DNM3: variants seen among roughly 807,000 people sequenced by gnomAD.
DNM3 encodes the protein dynamin 3.
DNM3 carries 47 observed loss-of-function variants against 101.6 expected under a neutral mutation model. The ratio of observed to expected loss-of-function variants is 0.46; its 90% CI spans 0.37 to 0.59. The LOEUF (loss-of-function observed/expected upper bound fraction) is 0.59, where lower values mean the gene tolerates loss of function less well. Among genes scored for constraint, DNM3 ranks in the 20% least tolerant of loss-of-function variants. The pLI is 0.00. For missense variants in DNM3, 849 were observed against 1,085.7 expected, an observed-to-expected ratio of 0.78 and a Z score of 3.06; for synonymous variants, 385 against 387.9, an observed-to-expected ratio of 0.99 and a Z score of 0.09.
chr1:172,147,232 A>G (rs1338519254), intron 14 of DNM3, among the ~76,000 whole-genome samples: 1 of 152,154 alleles, frequency 6.6e-6, no homozygotes, highest in Non-Finnish European at 1.5e-5. Context: ...AGTTAGGAAT[A>G]CACATCTGTT....
intron 20 of DNM3, among the ~76,000 whole-genome samples, chr1:172,392,836 T>G (rs949326945): frequency 1.3e-5 from 2 of 152,194 alleles, no homozygotes; most frequent in Non-Finnish European, 2.9e-5. Flanking sequence ...AGTATGATGG[T>G]TTCTCTTTAA....
At chr1:172,417,945 C>T (rs2071489087) in intron 20 of DNM3, among the ~76,000 whole-genome samples, 1 of 152,130 alleles carries the variant, frequency 6.6e-6, no homozygotes, top group African/African-American at 2.4e-5. Context: ...AGGTATTTGG[C>T]TCGGGGACTA....
At chr1:172,023,686 A>T (rs978273339) in intron 4 of DNM3, among the ~76,000 whole-genome samples, 14 of 151,914 alleles carry the variant, frequency 9.2e-5, no homozygotes, top group African/African-American at 3.4e-4. Context: ...GCACTTGTTG[A>T]GTTTGTTCAA....
intron 10 of DNM3, among the ~76,000 whole-genome samples, chr1:172,056,694 C>T (rs2125892731): frequency 6.6e-6 from 1 of 151,442 alleles, no homozygotes; most frequent in South Asian, 2.1e-4. Context: ...CCCATCTGTA[C>T]ATCACCATCA....
intron 14 of DNM3, among the ~76,000 whole-genome samples, chr1:172,178,569 G>A (rs890176757): frequency 6.6e-6 from 1 of 151,774 alleles, no homozygotes; most frequent in Non-Finnish European, 1.5e-5. Flanking sequence ...GTTAAAAGAA[G>A]CAAGGTAGTA....
chr1:172,316,479 G>A (rs1214690510), intron 16 of DNM3, among the ~76,000 whole-genome samples: 1 of 152,042 alleles, frequency 6.6e-6, no homozygotes, highest in African/African-American at 2.4e-5. Context: ...TCAGTGTGCT[G>A]TATTCAGGAA....
intron 1 of DNM3, among the ~76,000 whole-genome samples, chr1:171,855,490 C>T (rs2033505614): frequency 6.6e-6 from 1 of 152,234 alleles, no homozygotes; most frequent in African/African-American, 2.4e-5. Flanking sequence ...TTTACACTCT[C>T]ACCAACAGTG....
intron 14 of DNM3, among the ~76,000 whole-genome samples, chr1:172,173,807 G>C (rs2059054233): frequency 1.3e-5 from 2 of 151,650 alleles, no homozygotes; most frequent in African/African-American, 4.8e-5. Flanking sequence ...CATTAATTTT[G>C]CTTGGCCTAT....
chr1:172,006,662 C>T (rs2046712650), intron 4 of DNM3, among the ~76,000 whole-genome samples: 1 of 151,966 alleles, frequency 6.6e-6, no homozygotes, highest in Non-Finnish European at 1.5e-5. Context: ...TTGTGGTTAC[C>T]TTGAGGCTAC....
Position 171,920,744 on chromosome 1 carries a change from C to T in DNM3, c.162-1004C>T, listed in dbSNP as rs1313806385. ...GTAATATTATGTAGTACTATCTTTG[C>T]TGCAGTTTTATTAGCTTAGTGTTTA... On this transcript the variant is annotated intron_variant, in intron 1 of 20. Transcript: ENST00000627582. Among the ~76,000 whole-genome samples the T allele has an allele frequency of 3.3e-5, 5 of 152,280 alleles. No individual in the cohort carries two copies. The East Asian group carries it at 9.6e-4, about 29-fold the overall frequency.
At chr1:172,150,843 G>A (rs2058100488) in intron 14 of DNM3, among the ~76,000 whole-genome samples, 2 of 152,176 alleles carry the variant, frequency 1.3e-5, no homozygotes, top group Admixed American at 6.5e-5. Context: ...GGGCTGCTGC[G>A]GGACACACCA....
intron 14 of DNM3, among the ~76,000 whole-genome samples, chr1:172,207,925 T>C (rs773184515): frequency 2.6e-5 from 4 of 152,122 alleles, no homozygotes; most frequent in Non-Finnish European, 5.9e-5. Context: ...AAAGAAAGTG[T>C]GTACTTCTTT....
In DNM3 at chr1:172,015,859, A is replaced by G. The variant is rs1317089080; in HGVS notation, c.590-16543A>G. ...TTGCCTTTTTCCTGATGTCAGTGGG[A>G]AAGCTTTGAGGTTTTCACCATTAAG... On this transcript the variant is annotated intron_variant, in intron 4 of 20. Transcript: ENST00000627582. Among the ~76,000 whole-genome samples the G allele has an allele frequency of 5.3e-5, 8 of 152,236 alleles. No homozygotes were observed. In the East Asian group the frequency reaches 1.5e-3, roughly 29 times the overall value.
intron 2 of DNM3, among the ~76,000 whole-genome samples, chr1:171,960,660 A>G (rs2043158616): frequency 6.6e-6 from 1 of 152,184 alleles, no homozygotes. Context: ...CTGAGCAGAT[A>G]CATTAGGAGA....
intron 14 of DNM3, among the ~76,000 whole-genome samples, chr1:172,214,451 AAAG>A (rs1008902907): frequency 6.6e-6 from 1 of 152,124 alleles, no homozygotes; most frequent in African/African-American, 2.4e-5. Context: ...TAATAAAAAA[AAAG>A]AAAAAAAAGT....
In DNM3 at chr1:171,874,524, G is replaced by A. The variant is rs915925645; in HGVS notation, c.161+32707G>A. Among the ~76,000 whole-genome samples, 7 of 152,156 alleles carry A rather than the reference G, an allele frequency of 4.6e-5. No homozygotes were observed. In the East Asian group the frequency reaches 7.7e-4, roughly 17 times the overall value. ...TTGATGAAATTGTATTTTTATAGACGTATTTGAGGCTATTATGCTTTTATC... is the reference window on the plus strand; with the variant it reads ...TTGATGAAATTGTATTTTTATAGACATATTTGAGGCTATTATGCTTTTATC... On this transcript the variant is annotated intron_variant, in intron 1 of 20. Transcript: ENST00000627582.
At chr1:171,974,243 C>A (rs1014076402) in intron 2 of DNM3, among the ~76,000 whole-genome samples, 11 of 152,186 alleles carry the variant, frequency 7.2e-5, no homozygotes, top group African/African-American at 2.7e-4. Context: ...GTAGTCACTA[C>A]ACTGTTATTG....
chr1:172,031,778 G>T (rs2048627290), intron 4 of DNM3, among the ~76,000 whole-genome samples: 1 of 152,100 alleles, frequency 6.6e-6, no homozygotes, highest in African/African-American at 2.4e-5. Context: ...TTGGTGACTT[G>T]CTTTGAGACT....
intron 13 of DNM3, among the ~76,000 whole-genome samples, chr1:172,098,292 G>A (rs2054390312): frequency 6.6e-6 from 1 of 152,094 alleles, no homozygotes. Flanking sequence ...CTTTCTCAGG[G>A]ATGTTCCTTG....
Sources: allele counts gnomAD v4.1 joint callset (sites outside exome capture counted in the v4.1 genomes callset), GRCh38; gene constraint gnomAD v4.1.1; transcripts MANE v1.5; gene names NCBI Gene and HGNC (gene_info 2026-07-23, HGNC 2026-07-21).